PPM1H: variants seen among roughly 807,000 people sequenced by gnomAD.
The protein encoded by PPM1H is protein phosphatase, Mg2+/Mn2+ dependent 1H, also known as protein phosphatase 1H.
A neutral mutation model predicts 54.9 loss-of-function variants in PPM1H; 27 were observed. The ratio of observed to expected loss-of-function variants is 0.49; its 90% CI spans 0.36 to 0.68. The LOEUF is 0.68. Ranked by LOEUF, PPM1H falls within the 30% of genes least tolerant of loss-of-function variation. The pLI is 0.00. For missense variants in PPM1H, 596 were observed against 667.8 expected (o/e 0.89, Z 1.19); for synonymous variants, 305 against 270.8 (o/e 1.13, Z -1.24).
intron 1 of PPM1H, among the ~76,000 whole-genome samples, chr12:62,912,289 A>G (rs1285411389): frequency 1.3e-5 from 2 of 152,212 alleles, no homozygotes; most frequent in African/African-American, 4.8e-5. Flanking sequence ...CCAAACAACC[A>G]TTAACTTTAC....
chr12:62,711,665 T>C (rs12297757), intron 6 of PPM1H, among the ~76,000 whole-genome samples: 2,082 of 152,232 alleles, frequency 0.014, 39 homozygotes, highest in African/African-American at 0.048. Context: ...TAGATATAAA[T>C]GCTGTGAGTG....
At chr12:62,649,080 T>G (rs940505774) in intron 9 of PPM1H, among the ~76,000 whole-genome samples, 3 of 152,218 alleles carry the variant, frequency 2.0e-5, no homozygotes, top group Admixed American at 6.5e-5. Context: ...CAAAGAATAG[T>G]CATTTTCTAT....
chr12:62,930,416 A>T (rs1872096514), intron 1 of PPM1H, among the ~76,000 whole-genome samples: 1 of 152,222 alleles, frequency 6.6e-6, no homozygotes, highest in South Asian at 2.1e-4. Context: ...TGTACAAGTA[A>T]ACAAATGTAT....
intron 9 of PPM1H, among the ~76,000 whole-genome samples, chr12:62,658,212 T>TTTTAAA: frequency 7.7e-6 from 1 of 130,538 alleles, no homozygotes; most frequent in South Asian, 2.6e-4. Context: ...TTTTTTTTTT[T>TTTTAAA]AAGTAAAAAA....
chr12:62,716,708 G>T (rs760147195), intron 6 of PPM1H, among the ~76,000 whole-genome samples: 1 of 152,050 alleles, frequency 6.6e-6, no homozygotes, highest in South Asian at 2.1e-4. Context: ...AAAAAAATTT[G>T]TTATAGAGAT....
In PPM1H at chr12:62,819,059, A is replaced by G. The variant is rs117436874; in HGVS notation, c.411+13055T>C. Among the ~76,000 whole-genome samples, 188 of 151,360 alleles carry G rather than the reference A, an allele frequency of 1.2e-3. 2 individuals carry two copies. The East Asian group carries it at 0.031, about 25-fold the overall frequency. On this transcript the variant is annotated intron_variant, in intron 2 of 9. Coordinates refer to ENST00000228705, the MANE Select transcript of PPM1H (RefSeq NM_020700.2). ...TAGTTGCGAACTCCTGAGCTCAGGG[A>G]ATCCACCTTGCCTCGGCCTCCAAAA...
intron 4 of PPM1H, among the ~76,000 whole-genome samples, chr12:62,762,162 T>TA (rs1463620165): frequency 6.6e-6 from 1 of 152,204 alleles, no homozygotes; most frequent in Non-Finnish European, 1.5e-5. Context: ...AGGAGTTCCT[T>TA]AGAGAGGTTT....
intron 1 of PPM1H, among the ~76,000 whole-genome samples, chr12:62,862,987 A>AT (rs1490488059): frequency 1.3e-5 from 2 of 152,286 alleles, no homozygotes; most frequent in African/African-American, 4.8e-5. Flanking sequence ...CAGAAATTAT[A>AT]TTATACAGCA....
intron 1 of PPM1H, among the ~76,000 whole-genome samples, chr12:62,858,126 A>G (rs1869461369): frequency 6.7e-6 from 1 of 149,836 alleles, no homozygotes; most frequent in Non-Finnish European, 1.5e-5. Context: ...TAATCTCTCC[A>G]TTGCTTTCAC....
At chr12:62,861,541 G>A (rs569334810) in intron 1 of PPM1H, among the ~76,000 whole-genome samples, 88 of 152,162 alleles carry the variant, frequency 5.8e-4, no homozygotes, top group African/African-American at 1.7e-3. Flanking sequence ...CTTTCTCCTC[G>A]TCAGACACAT....
At chr12:62,662,098 G>A (rs936013160) in intron 9 of PPM1H, among the ~76,000 whole-genome samples, 1 of 152,174 alleles carries the variant, frequency 6.6e-6, no homozygotes, top group African/African-American at 2.4e-5. Flanking sequence ...CCAGGAGCCT[G>A]CTCTGACCTG....
chr12:62,828,981 G>A (rs1479423904), intron 2 of PPM1H, among the ~76,000 whole-genome samples: 1 of 151,680 alleles, frequency 6.6e-6, no homozygotes, highest in Non-Finnish European at 1.5e-5. Flanking sequence ...GGAGAAATAG[G>A]AACCCCTCTC....
chr12:62,665,448 T>C (rs1378092685), intron 9 of PPM1H, among the ~76,000 whole-genome samples: 1 of 152,190 alleles, frequency 6.6e-6, no homozygotes, highest in African/African-American at 2.4e-5. Context: ...CTTCTTCCCA[T>C]CTTCTATAGT....
intron 2 of PPM1H, among the ~76,000 whole-genome samples, chr12:62,823,909 G>A (rs985629036): frequency 3.3e-5 from 5 of 152,188 alleles, no homozygotes; most frequent in Admixed American, 6.5e-5. Context: ...GGGCAATCAG[G>A]CAAGAGAAAG....
rs1205897156 is a variant in PPM1H at position 62,671,633 on chromosome 12, G to C, written c.1246-4304C>G. Among the ~76,000 whole-genome samples, 6 of 152,278 alleles carry C rather than the reference G, an allele frequency of 3.9e-5. No individual in the cohort carries two copies. In the East Asian group the frequency reaches 1.2e-3, roughly 29 times the overall value. On this transcript the variant is annotated intron_variant, in intron 8 of 9. Coordinates refer to ENST00000228705, the MANE Select transcript of PPM1H (RefSeq NM_020700.2). The stretch of plus-strand genomic sequence containing the variant: ...TCTGAAGAAAAATCCAGCATGGTAA[G>C]GAGAACAATAGAGTCATTTTAGAAG...
At chr12:62,750,351 T>C (rs150308524) in intron 4 of PPM1H, among the ~76,000 whole-genome samples, 8 of 152,352 alleles carry the variant, frequency 5.3e-5, no homozygotes, top group African/African-American at 1.9e-4. Flanking sequence ...ATTCTGGACA[T>C]TTAATATGAA....
chr12:62,805,462 G>A (rs1390102617), intron 2 of PPM1H, among the ~76,000 whole-genome samples: 1 of 152,158 alleles, frequency 6.6e-6, no homozygotes. Context: ...ATCAACAGAT[G>A]AATGGTAAAG....
chr12:62,766,388 T>TA (rs1565782431), intron 4 of PPM1H, among the ~76,000 whole-genome samples: 1 of 151,742 alleles, frequency 6.6e-6, no homozygotes, highest in African/African-American at 2.4e-5. Context: ...ATGTGGAAAA[T>TA]AAAACTAGAA....
At chr12:62,744,559 A>G (rs2076399882) in intron 4 of PPM1H, among the ~76,000 whole-genome samples, 1 of 152,144 alleles carries the variant, frequency 6.6e-6, no homozygotes, top group Admixed American at 6.6e-5. Context: ...CTGCAGAGTA[A>G]TGGGTGGTAC....
Sources: allele counts gnomAD v4.1 joint callset (sites outside exome capture counted in the v4.1 genomes callset), GRCh38; gene constraint gnomAD v4.1.1; transcripts MANE v1.5; gene names NCBI Gene and HGNC (gene_info 2026-07-23, HGNC 2026-07-21).